The following RGS3 variants were observed in gnomAD, a reference collection of about 807,000 sequenced individuals.
RGS3 encodes regulator of G-protein signalling 3.
A neutral mutation model predicts 132.6 loss-of-function variants in RGS3; 80 were observed. The ratio of observed to expected loss-of-function variants is 0.60; its 90% CI spans 0.50 to 0.73. The LOEUF is 0.73. RGS3 is among the 30% of genes least tolerant of loss of function. RGS3 has a pLI of 0.00. For synonymous variants in RGS3, 598 were observed against 620.6 expected, an observed-to-expected ratio of 0.96 and a Z score of 0.54; for missense variants, 1,382 against 1,530.8, an observed-to-expected ratio of 0.90 and a Z score of 1.62.
chr9:113,512,786 G>A (rs1831464445), intron 14 of RGS3, among the ~76,000 whole-genome samples: 1 of 152,194 alleles, frequency 6.6e-6, no homozygotes, highest in African/African-American at 2.4e-5. Flanking sequence ...AGGGGCCCAG[G>A]AGTGTGTGGA....
intron 19 of RGS3, chr9:113,582,297 A>G (rs1276774842): frequency 2.6e-6 from 2 of 762,054 alleles, no homozygotes; most frequent in Non-Finnish European, 3.2e-6. Flanking sequence ...GACATTAATG[A>G]TTTCTACAAT....
intron 24 of RGS3, 144 bp from the exon 23 acceptor site, chr9:113,596,624 G>A (rs560699241): frequency 3.7e-5 from 24 of 649,278 alleles, no homozygotes; most frequent in Admixed American, 3.4e-4. Context: ...CCTCTGGTCT[G>A]AGGGTCTCTA....
At position 113,506,440 on chromosome 9, in the gene RGS3, G is replaced by A; in HGVS notation, c.1032G>A (p.Leu344=). 2 of 1,598,642 alleles carry A rather than the reference G, an allele frequency of 1.3e-6. No homozygotes were observed. The highest frequency in any genetic ancestry group is 1.1e-5 in the South Asian group (1 of 87,628). ...AGCAGCTGGACACGGTGCTGCAGCT[G>A]AATGAGAGGCCTGTGGAGCACTGGA... Residue 344 remains leucine, a synonymous_variant, in exon 12 of 25, where the codon CTG becomes CTA. Transcript: ENST00000350696. The surrounding 1 kb of genome is among the most constrained non-coding windows in gnomAD (Gnocchi z 4.7).
chr9:113,529,237 G>A (rs1291547663), exon 18 of RGS3: 5 of 1,613,552 alleles, frequency 3.1e-6, no homozygotes, highest in Non-Finnish European at 3.4e-6. Context: ...CAGAAGACCT[G>A]AAATTCTGCG....
chr9:113,463,852 C>G lies in RGS3; in HGVS notation c.415+1651C>G. 6.2e-7 allele frequency: 1 copy of G among 1,613,176 alleles called. No homozygotes were observed. ...TCCCTCGGGAGCCGGCGTGCCCACCCGGACTTGTCCTTCTACCTCACCACC... is the reference window on the plus strand; with the variant it reads ...TCCCTCGGGAGCCGGCGTGCCCACCGGGACTTGTCCTTCTACCTCACCACC... On this transcript the variant is annotated intron_variant, in intron 3 of 24. Transcript: ENST00000350696. This position sits in a 1 kb window ranked among gnomAD's most constrained non-coding sequence, Gnocchi z 4.6.
At chr9:113,575,384 G>A (rs554378208) in intron 19 of RGS3, among the ~76,000 whole-genome samples, 2 of 152,092 alleles carry the variant, frequency 1.3e-5, no homozygotes, top group Non-Finnish European at 2.9e-5. Flanking sequence ...GTGGTGTGCC[G>A]CCCTCCTGAG....
rs1488104649 is a variant in RGS3, at chr9:113,454,441, C to T, written c.-12-5804C>T. The stretch of plus-strand genomic sequence containing the variant: ...TGGCCAACATGGTGAAACCCTGTCT[C>T]TACTAAAAATACAAAACTTAGCCAG... On this transcript the variant is annotated intron_variant, in intron 1 of 25. Coordinates refer to the RGS3 transcript ENST00000374140. Among the ~76,000 whole-genome samples the T allele has an allele frequency of 4.6e-5, 7 of 152,012 alleles. No homozygotes were observed. In the East Asian group the frequency reaches 1.2e-3, roughly 25 times the overall value.
intron 1 of RGS3, chr9:113,460,422 G>A (rs1370738107): frequency 2.1e-5 from 4 of 189,516 alleles, no homozygotes; most frequent in Non-Finnish European, 4.4e-5. Context: ...GGGGGGTGCT[G>A]AGGCAGGAGA....
chr9:113,482,719 T>G (rs923831650), intron 4 of RGS3, among the ~76,000 whole-genome samples: 4 of 152,210 alleles, frequency 2.6e-5, no homozygotes, highest in Admixed American at 2.6e-4. Context: ...CGAAGCCTCA[T>G]TTTCCCCATT....
chr9:113,562,228 C>G lies in RGS3; in HGVS notation c.2038-21222C>G, dbSNP rs181769686. Among the ~76,000 whole-genome samples, 350 of 152,302 alleles carry G rather than the reference C, an allele frequency of 2.3e-3. 2 individuals carry two copies. The highest frequency in any genetic ancestry group is 6.8e-3 in the Middle Eastern group (2 of 294). On this transcript the variant is annotated intron_variant, in intron 19 of 24. Coordinates refer to ENST00000350696, the Ensembl canonical transcript of RGS3. Reference sequence around the variant, plus strand: ...ACGTGGCTCTTGCCCGTAATCCCAGCACTTTGGGAGGCTGAGACGGGCAGA... The same window carrying G: ...ACGTGGCTCTTGCCCGTAATCCCAGGACTTTGGGAGGCTGAGACGGGCAGA...
intron 16 of RGS3, among the ~76,000 whole-genome samples, chr9:113,520,864 C>T (rs1831918511): frequency 6.6e-6 from 1 of 151,966 alleles, no homozygotes; most frequent in Non-Finnish European, 1.5e-5. Flanking sequence ...CTCATTTGCT[C>T]CACCTCTTTG....
chr9:113,480,954 C>T (rs547383048), intron 4 of RGS3, among the ~76,000 whole-genome samples: 25 of 152,258 alleles, frequency 1.6e-4, no homozygotes, highest in Non-Finnish European at 2.6e-4. Context: ...GTACCCTCCA[C>T]CTCCAGCTCT....
intron 19 of RGS3, among the ~76,000 whole-genome samples, chr9:113,572,452 G>C (rs913920188): frequency 6.6e-6 from 1 of 152,032 alleles, no homozygotes; most frequent in African/African-American, 2.4e-5. Flanking sequence ...TCGGCCACAG[G>C]GTTGTGGCTT....
chr9:113,525,807 A>T (rs921649152), intron 17 of RGS3, among the ~76,000 whole-genome samples: 1 of 152,178 alleles, frequency 6.6e-6, no homozygotes, highest in African/African-American at 2.4e-5. Context: ...TGGGGCATGG[A>T]ACACTGTGGG....
rs368807701 is a variant in RGS3 at position 113,584,466 on chromosome 9, A to G, written c.3015+39A>G. 4 of 1,493,158 alleles carry G rather than the reference A, an allele frequency of 2.7e-6. No homozygotes were observed. In the African/African-American group the frequency reaches 4.2e-5, roughly 16 times the overall value. The allele number at this position is 1,493,158 out of a possible 1,614,324, so 92.5% of individuals were successfully genotyped here. ...AGGGGGAGGGAGAAGGATACATGCAATGTGGGGAGGGCTGGCCCAGGGGCT... is the reference window on the plus strand; with the variant it reads ...AGGGGGAGGGAGAAGGATACATGCAGTGTGGGGAGGGCTGGCCCAGGGGCT... On this transcript the variant is annotated intron_variant, in intron 20 of 24. Transcript: ENST00000350696.
At chr9:113,578,585 G>C (rs910604477) in intron 19 of RGS3, among the ~76,000 whole-genome samples, 1 of 152,120 alleles carries the variant, frequency 6.6e-6, no homozygotes, top group Non-Finnish European at 1.5e-5. Flanking sequence ...AGGAAGGACT[G>C]GGGGTGTCAG....
intron 19 of RGS3, among the ~76,000 whole-genome samples, chr9:113,557,657 G>A (rs763754019): frequency 1.3e-5 from 2 of 152,230 alleles, no homozygotes; most frequent in Non-Finnish European, 2.9e-5. Flanking sequence ...AGAGCTGACA[G>A]TCTAATGTGG....
chr9:113,472,897 A>C (rs755582436), intron 3 of RGS3, among the ~76,000 whole-genome samples: 3 of 152,030 alleles, frequency 2.0e-5, no homozygotes, highest in African/African-American at 4.8e-5. Context: ...AAAATTGGCC[A>C]GGTGTGGGTG....
intron 3 of RGS3, 110 bp from the exon 2 acceptor site, chr9:113,479,381 T>C: frequency 4.4e-6 from 5 of 1,130,268 alleles, no homozygotes. Context: ...TGTGAGTCTT[T>C]GAATGGCTTC....
Sources: allele counts gnomAD v4.1 joint callset (sites outside exome capture counted in the v4.1 genomes callset), GRCh38; gene constraint gnomAD v4.1.1; non-coding constraint Gnocchi (gnomAD v3.1); transcripts MANE v1.5; gene names NCBI Gene and HGNC (gene_info 2026-07-23, HGNC 2026-07-21).